The following SEMA3D variants were observed in gnomAD, a reference collection of about 807,000 sequenced individuals.
SEMA3D encodes the protein semaphorin-3D.
SEMA3D carries 84 observed loss-of-function variants against 100.1 expected under a neutral mutation model. The observed-to-expected ratio is 0.84, with a 90% CI of 0.70 to 1.01. The LOEUF (loss-of-function observed/expected upper bound fraction) is 1.01, where lower values mean the gene tolerates loss of function less well. Ranked by LOEUF, SEMA3D falls within the 50% of genes least tolerant of loss-of-function variation. The pLI is 0.00. For synonymous variants in SEMA3D, 312 were observed against 320.7 expected (o/e 0.97, Z 0.29); for missense variants, 875 against 934.1 (o/e 0.94, Z 0.82).
At chr7:85,164,863 AAAC>A (rs1790852488) in intron 1 of SEMA3D, among the ~76,000 whole-genome samples, 1 of 152,142 alleles carries the variant, frequency 6.6e-6, no homozygotes. Context: ...TTATTCAAGG[AAAC>A]AACAGGCACT....
At chr7:85,176,338 C>A (rs1791225478) in intron 1 of SEMA3D, among the ~76,000 whole-genome samples, 1 of 152,100 alleles carries the variant, frequency 6.6e-6, no homozygotes, top group African/African-American at 2.4e-5. Context: ...TCAGACACTT[C>A]TATTGTTTCA....
intron 2 of SEMA3D, among the ~76,000 whole-genome samples, chr7:85,134,445 TTAGAG>T (rs1240780578): frequency 1.3e-5 from 2 of 152,020 alleles, no homozygotes; most frequent in Non-Finnish European, 2.9e-5. Context: ...CTGTACTTTT[TTAGAG>T]TATTCAAAAC....
intron 5 of SEMA3D, 77 bp from the exon 6 acceptor site, chr7:85,073,158 C>T (rs1368897579): frequency 3.1e-6 from 4 of 1,275,938 alleles, no homozygotes; most frequent in Non-Finnish European, 4.5e-6. Flanking sequence ...CACCTGTTTT[C>T]CAAGTAGATC....
At chr7:85,159,743 G>T in intron 1 of SEMA3D, 1 of 653,768 alleles carries the variant, frequency 1.5e-6, no homozygotes, top group Non-Finnish European at 1.9e-6. Flanking sequence ...AGAACACAGT[G>T]ACAGAATGTA....
At chr7:85,054,013 T>A (rs1791240308) in intron 9 of SEMA3D, among the ~76,000 whole-genome samples, 1 of 151,946 alleles carries the variant, frequency 6.6e-6, no homozygotes, top group Non-Finnish European at 1.5e-5. Context: ...TTTTTCATAA[T>A]ATAAATAAAA....
rs1406545544 is a variant in SEMA3D, at chr7:85,012,917, T to C, written c.1704-71A>G. ...CATCATATAGAAAGGCTACATCTAA[T>C]ACTAATAACAGTGGCAGATGCAGTA... On this transcript the variant is annotated intron_variant, in intron 16 of 18. Coordinates refer to ENST00000284136, the MANE Select transcript of SEMA3D (RefSeq NM_001384900.1). The C allele has an allele frequency of 8.5e-6, 10 of 1,179,008 alleles. No homozygotes were observed. The African/African-American group carries it at 1.2e-4, about 14-fold the overall frequency. The allele number at this position is 1,179,008 out of a possible 1,614,324, so 73.0% of individuals were successfully genotyped here.
intron 1 of SEMA3D, among the ~76,000 whole-genome samples, chr7:85,174,903 GT>G (rs1461097049): frequency 6.6e-6 from 1 of 152,042 alleles, no homozygotes; most frequent in Admixed American, 6.6e-5. Flanking sequence ...GCTAATGCTG[GT>G]TTGCTCTGCT....
the SEMA3D span, among the ~76,000 whole-genome samples, chr7:85,195,604 C>T: frequency 1.8e-4 from 28 of 152,094 alleles, no homozygotes; most frequent in Admixed American, 1.8e-3. Flanking sequence ...AGGCATGGGA[C>T]ACCTCACCCA....
At chr7:85,208,167 C>T in the SEMA3D span, among the ~76,000 whole-genome samples, 3 of 151,870 alleles carry the variant, frequency 2.0e-5, no homozygotes, top group African/African-American at 7.3e-5. Context: ...CAAGTAACTA[C>T]CCTAAGTGTA....
chr7:85,004,886 G>A (rs1009730465), intron 18 of SEMA3D, among the ~76,000 whole-genome samples: 1 of 151,904 alleles, frequency 6.6e-6, no homozygotes, highest in Non-Finnish European at 1.5e-5. Flanking sequence ...AGTAAAATTC[G>A]ATAAGTATTT....
At chr7:85,070,972 G>A (rs555987724) in intron 6 of SEMA3D, among the ~76,000 whole-genome samples, 1 of 152,232 alleles carries the variant, frequency 6.6e-6, no homozygotes, top group South Asian at 2.1e-4. Flanking sequence ...AAAAGACGGG[G>A]TTTCACCATG....
At chr7:85,040,031 C>T (rs1192347993) in intron 11 of SEMA3D, among the ~76,000 whole-genome samples, 1 of 135,742 alleles carries the variant, frequency 7.4e-6, no homozygotes, top group Non-Finnish European at 1.5e-5. Context: ...GGCTGGAGTG[C>T]AGTGGTACCA....
chr7:85,215,765 A>G, the SEMA3D span, among the ~76,000 whole-genome samples: 5 of 152,250 alleles, frequency 3.3e-5, no homozygotes, highest in East Asian at 1.9e-4. Context: ...TGAAAAACAT[A>G]TATTTTCCCA....
At chr7:85,208,685 C>G in the SEMA3D span, among the ~76,000 whole-genome samples, 2 of 152,010 alleles carry the variant, frequency 1.3e-5, no homozygotes, top group Non-Finnish European at 2.9e-5. Context: ...CTTCTCTGCA[C>G]TCACCTGCTC....
At chr7:85,123,357 T>TA (rs995905719) in intron 2 of SEMA3D, among the ~76,000 whole-genome samples, 14 of 152,142 alleles carry the variant, frequency 9.2e-5, no homozygotes, top group African/African-American at 3.1e-4. Context: ...TTGATCATAA[T>TA]AAAAAAAGCA....
chr7:85,178,239 G>C (rs563661440), intron 1 of SEMA3D, among the ~76,000 whole-genome samples: 1 of 152,296 alleles, frequency 6.6e-6, no homozygotes, highest in East Asian at 1.9e-4. Context: ...ATCAGTACTG[G>C]ATAGTGTGGT....
At chr7:85,034,852 C>A (rs1442724326) in intron 12 of SEMA3D, among the ~76,000 whole-genome samples, 1 of 152,014 alleles carries the variant, frequency 6.6e-6, no homozygotes, top group Non-Finnish European at 1.5e-5. Context: ...AAATTGGAAG[C>A]CTTGCACACT....
At chr7:85,219,454 CA>C in the SEMA3D span, among the ~76,000 whole-genome samples, 58,781 of 151,672 alleles carry the variant, frequency 0.39, 11,751 homozygotes, top group East Asian at 0.69. Flanking sequence ...AAATGAAAGA[CA>C]TTTTTTTTAG....
chr7:85,223,234 A>G, the SEMA3D span, among the ~76,000 whole-genome samples: 1 of 152,130 alleles, frequency 6.6e-6, no homozygotes, highest in Non-Finnish European at 1.5e-5. Flanking sequence ...ACTGTGGAAA[A>G]CAGTATGGAG....
Sources: gnomAD v4.1 joint callset for allele counts (sites outside exome capture counted in the v4.1 genomes callset) on GRCh38, gnomAD v4.1.1 for gene constraint, MANE v1.5 for transcripts, NCBI Gene and HGNC (gene_info 2026-07-23, HGNC 2026-07-21) for gene names.